Variants in ASAP2 observed in about 807,000 individuals in gnomAD.
The protein encoded by ASAP2 is ArfGAP with SH3 domain, ankyrin repeat and PH domain 2, also known as arf-GAP with SH3 domain, ANK repeat and PH domain-containing protein 2.
ASAP2 carries 45 observed loss-of-function variants against 131.4 expected under a neutral mutation model. The ratio of observed to expected loss-of-function variants is 0.34; its 90% CI spans 0.27 to 0.44. The LOEUF (loss-of-function observed/expected upper bound fraction) is 0.44, where lower values mean the gene tolerates loss of function less well. Ranked by LOEUF, ASAP2 falls within the 20% of genes least tolerant of loss-of-function variation. ASAP2 has a pLI of 1.00. For missense variants in ASAP2, 1,011 were observed against 1,297.0 expected, an observed-to-expected ratio of 0.78 and a Z score of 3.39; for synonymous variants, 510 against 503.0, an observed-to-expected ratio of 1.01 and a Z score of -0.19.
chr2:9,339,385 C>T (rs1671432155), intron 9 of ASAP2, among the ~76,000 whole-genome samples: 1 of 152,082 alleles, frequency 6.6e-6, no homozygotes, highest in Non-Finnish European at 1.5e-5. Context: ...TGGACCTCTC[C>T]ATGTCATGGT....
intron 2 of ASAP2, among the ~76,000 whole-genome samples, chr2:9,292,517 CAAAACA>C (rs924801944): frequency 7.9e-5 from 12 of 152,110 alleles, no homozygotes; most frequent in Admixed American, 3.9e-4. Flanking sequence ...GATTCTATCT[CAAAACA>C]AAAACAAAAA....
At chr2:9,397,475 GC>G (rs1676238330) in intron 24 of ASAP2, among the ~76,000 whole-genome samples, 1 of 152,004 alleles carries the variant, frequency 6.6e-6, no homozygotes, top group Non-Finnish European at 1.5e-5. Context: ...TGTCGTCAGC[GC>G]CCAGTGGAGT....
At chr2:9,377,051 G>A in intron 18 of ASAP2, 58 bp downstream of exon 18, 1 of 1,457,148 alleles carries the variant, frequency 6.9e-7, no homozygotes, top group Non-Finnish European at 9.6e-7. Flanking sequence ...TCTGGGGAAG[G>A]AATCGGACGC....
intron 11 of ASAP2, chr2:9,350,462 G>C (rs1672256393): frequency 5.2e-6 from 1 of 191,342 alleles, no homozygotes; most frequent in African/African-American, 2.3e-5. Flanking sequence ...TGTGTTGTCG[G>C]TAGGAATCAG....
Position 9,281,859 on chromosome 2 carries a change from A to G in ASAP2, c.199+2470A>G, listed in dbSNP as rs2148322731. Among the ~76,000 whole-genome samples, 1 of 152,310 alleles carries G rather than the reference A, an allele frequency of 6.6e-6. No homozygotes were observed. Among genetic ancestry groups the G allele is most frequent in the Middle Eastern group, 3.4e-3 (1 of 294 alleles). On this transcript the variant is annotated intron_variant, in intron 2 of 27. Coordinates refer to ENST00000281419, the MANE Select transcript of ASAP2 (RefSeq NM_003887.3). The surrounding 1 kb of genome is among the most constrained non-coding windows in gnomAD (Gnocchi z 4.0). Reference sequence around the variant, plus strand: ...TGAGCCTCAGGTGAGTAAATACTGCAGAGCACCAGATGAGTTCCGAGCTCT... The same window carrying G: ...TGAGCCTCAGGTGAGTAAATACTGCGGAGCACCAGATGAGTTCCGAGCTCT...
rs376585923 is a variant in ASAP2, at chr2:9,387,619, A to G, written c.2131-675A>G. 7.2e-5 allele frequency among the ~76,000 whole-genome samples: 11 copies of G among 152,184 alleles called. No individual in the cohort carries two copies. The East Asian group carries it at 1.9e-3, about 27-fold the overall frequency. ...TAAGAAGGCATGTTTGGGAAGGGGAACTTCAGGGAAAATGCTGACTTAGGT... is the reference window on the plus strand; with the variant it reads ...TAAGAAGGCATGTTTGGGAAGGGGAGCTTCAGGGAAAATGCTGACTTAGGT... On this transcript the variant is annotated intron_variant, in intron 21 of 27. Transcript: ENST00000281419.
At chr2:9,347,757 C>T (rs550750204) in intron 11 of ASAP2, among the ~76,000 whole-genome samples, 5 of 152,298 alleles carry the variant, frequency 3.3e-5, no homozygotes, top group South Asian at 2.1e-4. Flanking sequence ...TTGCCAGATT[C>T]GCAGGATTGC....
At chr2:9,358,043 G>A (rs1022527909) in intron 14 of ASAP2, among the ~76,000 whole-genome samples, 2 of 152,124 alleles carry the variant, frequency 1.3e-5, no homozygotes, top group Non-Finnish European at 2.9e-5. Flanking sequence ...GTGAGTAGCC[G>A]AGCTGTGAGG....
intron 1 of ASAP2, among the ~76,000 whole-genome samples, chr2:9,212,043 C>T (rs1298723569): frequency 1.3e-5 from 2 of 152,140 alleles, no homozygotes; most frequent in East Asian, 3.8e-4. Context: ...TCCTCCCTGC[C>T]CCCTGGTGAA....
At chr2:9,323,050 G>A (rs1194234203) in intron 5 of ASAP2, 71 bp from the exon 6 acceptor site, 10 of 1,590,034 alleles carry the variant, frequency 6.3e-6, no homozygotes, top group Admixed American at 5.1e-5. Flanking sequence ...GGGTACTGGG[G>A]TGGCTTCAAG....
At chr2:9,390,431 G>A (rs536229404) in intron 22 of ASAP2, among the ~76,000 whole-genome samples, 1 of 152,344 alleles carries the variant, frequency 6.6e-6, no homozygotes, top group South Asian at 2.1e-4. Flanking sequence ...TAGCACCTGG[G>A]CCCTGTGCAC....
rs1572156212 is a variant in ASAP2, at chr2:9,207,302, C to G, written c.126+72C>G. The G allele has an allele frequency of 2.1e-6, 3 of 1,446,394 alleles. No individual in the cohort carries two copies. Among genetic ancestry groups the G allele is most frequent in the East Asian group, 2.7e-5 (1 of 36,484 alleles). 89.6% of individuals were successfully genotyped at this position (1,446,394 alleles called of 1,614,324 possible). A position where few individuals can be genotyped will look rare whatever the true frequency, so the allele number is the denominator to read the frequency against. ...CAGCCCCGCCCGCCGCTCCCGCATC[C>G]GCATCCCGAGAAAACTTTCTTTGCT... On this transcript the variant is annotated intron_variant, in intron 1 of 27. Transcript: ENST00000281419. This position sits in a 1 kb window ranked among gnomAD's most constrained non-coding sequence, Gnocchi z 4.1.
chr2:9,230,698 A>G (rs1663097065), intron 1 of ASAP2, among the ~76,000 whole-genome samples: 1 of 152,248 alleles, frequency 6.6e-6, no homozygotes, highest in South Asian at 2.1e-4. Flanking sequence ...GAGTAAGAGC[A>G]GATATGTGCA....
intron 1 of ASAP2, among the ~76,000 whole-genome samples, chr2:9,251,331 G>C (rs1664690931): frequency 6.6e-6 from 1 of 152,072 alleles, no homozygotes; most frequent in African/African-American, 2.4e-5. Context: ...CCCATCTTCT[G>C]GGCTCCATCT....
chr2:9,348,359 A>G (rs1159431377), intron 11 of ASAP2, among the ~76,000 whole-genome samples: 1 of 152,142 alleles, frequency 6.6e-6, no homozygotes, highest in Non-Finnish European at 1.5e-5. Context: ...TCCTGATCTC[A>G]GGTGATCTAC....
chr2:9,310,530 C>T (rs1468971966), intron 3 of ASAP2, among the ~76,000 whole-genome samples: 1 of 152,184 alleles, frequency 6.6e-6, no homozygotes, highest in African/African-American at 2.4e-5. Flanking sequence ...AGAATCCTGT[C>T]TAGCTTCAGG....
At chr2:9,288,189 C>G (rs545497809) in intron 2 of ASAP2, among the ~76,000 whole-genome samples, 12 of 152,324 alleles carry the variant, frequency 7.9e-5, no homozygotes, top group Admixed American at 4.6e-4. Context: ...TGTCCGCAAA[C>G]CCAACCTACC....
chr2:9,229,155 C>T (rs1051784516), intron 1 of ASAP2, among the ~76,000 whole-genome samples: 1 of 152,232 alleles, frequency 6.6e-6, no homozygotes, highest in South Asian at 2.1e-4. Flanking sequence ...TGGAGCCCCC[C>T]CCGCATCATC....
intron 9 of ASAP2, among the ~76,000 whole-genome samples, chr2:9,341,374 T>G (rs958614109): frequency 2.0e-5 from 3 of 152,204 alleles, no homozygotes; most frequent in Non-Finnish European, 4.4e-5. Context: ...AATGTGAAGT[T>G]TAATAGGCCA....
Sources: gnomAD v4.1 joint callset for allele counts (sites outside exome capture counted in the v4.1 genomes callset) on GRCh38, gnomAD v4.1.1 for gene constraint, Gnocchi (gnomAD v3.1) non-coding constraint, MANE v1.5 for transcripts, NCBI Gene and HGNC (gene_info 2026-07-23, HGNC 2026-07-21) for gene names.